BABAM2: variants seen among roughly 807,000 people sequenced by gnomAD.
BABAM2 encodes BRISC and BRCA1 A complex member 2.
In BABAM2, 31 loss-of-function variants were observed where a neutral mutation model predicts 54.7. The observed-to-expected ratio is 0.57, with a 90% CI of 0.43 to 0.77. The LOEUF (loss-of-function observed/expected upper bound fraction) is 0.77, where lower values mean the gene tolerates loss of function less well. Among genes scored for constraint, BABAM2 ranks in the 30% least tolerant of loss-of-function variants. The pLI is 0.00. For synonymous variants in BABAM2, 167 were observed against 162.9 expected, an observed-to-expected ratio of 1.03 and a Z score of -0.19; for missense variants, 364 against 455.8, an observed-to-expected ratio of 0.80 and a Z score of 1.83.
At position 28,110,167 on chromosome 2, in the gene BABAM2, C is replaced by T. The variant is rs1448159858; in HGVS notation, c.571-19104C>T. ...GCTAATTTAGTTAGTATAATGTCCT[C>T]GAGGTTCATCCACGTTGTAGGATGT... On this transcript the variant is annotated intron_variant, in intron 6 of 11. Transcript: ENST00000379624. 4.9e-4 allele frequency among the ~76,000 whole-genome samples: 74 copies of T among 151,978 alleles called. 1 individual carries two copies. Among genetic ancestry groups the T allele is most frequent in the Admixed American group, 4.8e-3 (74 of 15,258 alleles).
intron 6 of BABAM2, among the ~76,000 whole-genome samples, chr2:28,108,117 A>G (rs1667685110): frequency 6.6e-6 from 1 of 152,056 alleles, no homozygotes; most frequent in Admixed American, 6.6e-5. Flanking sequence ...ATTTTTTAAC[A>G]TAGTTTGTGA....
At chr2:28,308,175 G>T (rs1688727421) in intron 11 of BABAM2, 1 of 324,682 alleles carries the variant, frequency 3.1e-6, no homozygotes, top group Non-Finnish European at 6.0e-6. Flanking sequence ...CACCAAAAGT[G>T]AAAAAAGTTC....
At chr2:28,035,571 A>G (rs1002776136) in intron 5 of BABAM2, among the ~76,000 whole-genome samples, 11 of 152,156 alleles carry the variant, frequency 7.2e-5, no homozygotes, top group South Asian at 2.1e-4. Context: ...GGAATTGACC[A>G]TATTTGTTTA....
chr2:28,047,564 A>G (rs1189228817), intron 6 of BABAM2, among the ~76,000 whole-genome samples: 2 of 152,080 alleles, frequency 1.3e-5, no homozygotes, highest in Admixed American at 6.6e-5. Context: ...GTTGGCTCAT[A>G]ATCTCATATT....
chr2:27,987,814 CAAAAAA>C (rs201176376), intron 3 of BABAM2, among the ~76,000 whole-genome samples, 173 bp from the exon 4 acceptor site: 1 of 62,170 alleles, frequency 1.6e-5, no homozygotes. Context: ...GACCCTGTCT[CAAAAAA>C]AAAAAAAAAA....
At chr2:28,106,425 A>G (rs1412440052) in intron 6 of BABAM2, among the ~76,000 whole-genome samples, 1 of 152,222 alleles carries the variant, frequency 6.6e-6, no homozygotes, top group African/African-American at 2.4e-5. Flanking sequence ...GTTTAGAATC[A>G]TGTGTGATTT....
intron 6 of BABAM2, among the ~76,000 whole-genome samples, chr2:28,047,208 A>G (rs1405599023): frequency 1.3e-5 from 2 of 152,166 alleles, no homozygotes; most frequent in Non-Finnish European, 2.9e-5. Flanking sequence ...TTTCTCTACA[A>G]TCCTGTTGTG....
chr2:28,037,180 C>T (rs1458075645), intron 5 of BABAM2, among the ~76,000 whole-genome samples: 1 of 151,950 alleles, frequency 6.6e-6, no homozygotes, highest in Admixed American at 6.6e-5. Context: ...TTTGTCCACC[C>T]AAATCATACC....
chr2:28,078,489 G>GA (rs1209626460), intron 6 of BABAM2, among the ~76,000 whole-genome samples: 16 of 152,052 alleles, frequency 1.1e-4, no homozygotes, highest in Non-Finnish European at 1.9e-4. Flanking sequence ...CAGTAAGAAT[G>GA]AATCATCTAT....
chr2:28,282,709 A>G (rs1387278440), intron 10 of BABAM2, among the ~76,000 whole-genome samples: 1 of 152,152 alleles, frequency 6.6e-6, no homozygotes, highest in African/African-American at 2.4e-5. Context: ...GCATTAAGAA[A>G]GTATTTATAG....
rs544609630 is a variant in BABAM2 at position 28,280,158 on chromosome 2, A to C, written c.935-18180A>C. On this transcript the variant is annotated intron_variant, in intron 10 of 11. Transcript: ENST00000379624. ...ACTGCAGCCTTGACCTCCTGGGCTC[A>C]AGCAGTCCTCCCATCTCAGCCTCTC... 7.3e-3 allele frequency among the ~76,000 whole-genome samples: 1,113 copies of C among 151,946 alleles called. 10 individuals are homozygous for C. The highest frequency in any genetic ancestry group is 0.025 in the African/African-American group (1,055 of 41,420).
At chr2:28,201,194 T>A (rs998959657) in intron 7 of BABAM2, among the ~76,000 whole-genome samples, 6 of 152,160 alleles carry the variant, frequency 3.9e-5, no homozygotes, top group Admixed American at 1.3e-4. Flanking sequence ...TGTTTTTTAT[T>A]TTTTTTAGGA....
chr2:28,069,879 T>C (rs1374142607), intron 6 of BABAM2, among the ~76,000 whole-genome samples: 4 of 152,178 alleles, frequency 2.6e-5, no homozygotes, highest in African/African-American at 9.7e-5. Flanking sequence ...AAAATTCAAG[T>C]ATGTTTCTTT....
At chr2:27,934,658 G>A (rs1235564085) in intron 3 of BABAM2, among the ~76,000 whole-genome samples, 1 of 152,230 alleles carries the variant, frequency 6.6e-6, no homozygotes, top group Non-Finnish European at 1.5e-5. Flanking sequence ...TGAATGCAAA[G>A]AAAAATTTCT....
At chr2:28,135,883 C>G (rs190092984) in intron 7 of BABAM2, among the ~76,000 whole-genome samples, 2 of 152,290 alleles carry the variant, frequency 1.3e-5, no homozygotes, top group East Asian at 3.9e-4. Flanking sequence ...ACTTCTAGTT[C>G]CTTCCTATTT....
chr2:28,233,120 C>G (rs1303774306), intron 7 of BABAM2: 2 of 454,052 alleles, frequency 4.4e-6, no homozygotes, highest in Non-Finnish European at 9.2e-6. Flanking sequence ...CAGAACAGCC[C>G]TATCACCCTT....
Position 28,322,512 on chromosome 2 carries a change from C to G in BABAM2, c.1089-15938C>G, listed in dbSNP as rs956955507. Among the ~76,000 whole-genome samples the G allele has an allele frequency of 1.3e-5, 2 of 152,228 alleles. No individual in the cohort carries two copies. Among genetic ancestry groups the G allele is most frequent in the Admixed American group, 1.3e-4 (2 of 15,286 alleles). ...AGGTGTTCCAGCAGGGTGAGGATCA[C>G]CCCCCAGAAGTGCTGCTGGGCCAAG... On this transcript the variant is annotated intron_variant, in intron 11 of 11. Coordinates refer to ENST00000379624, the MANE Select transcript of BABAM2 (RefSeq NM_199191.3). This position sits in a 1 kb window ranked among gnomAD's most constrained non-coding sequence, Gnocchi z 4.1.
chr2:28,073,163 T>C (rs1664326798), intron 6 of BABAM2, among the ~76,000 whole-genome samples: 1 of 152,178 alleles, frequency 6.6e-6, no homozygotes, highest in African/African-American at 2.4e-5. Flanking sequence ...TTTCCAAGCT[T>C]TCTTACACCC....
At chr2:27,899,202 A>C (rs1297864286) in intron 2 of BABAM2, among the ~76,000 whole-genome samples, 1 of 152,224 alleles carries the variant, frequency 6.6e-6, no homozygotes, top group East Asian at 1.9e-4. Context: ...TTAGCATGTC[A>C]CAGACATTCT....
Sources: gnomAD v4.1 joint callset for allele counts (sites outside exome capture counted in the v4.1 genomes callset) on GRCh38, gnomAD v4.1.1 for gene constraint, Gnocchi (gnomAD v3.1) non-coding constraint, MANE v1.5 for transcripts, NCBI Gene and HGNC (gene_info 2026-07-23, HGNC 2026-07-21) for gene names.